ABCC1: variants seen among roughly 807,000 people sequenced by gnomAD.
ABCC1 encodes multidrug resistance-associated protein 1.
A neutral mutation model predicts 172.9 loss-of-function variants in ABCC1; 83 were observed. That is an observed-to-expected ratio of 0.48 (90% confidence interval 0.40 to 0.58). ABCC1 has a LOEUF of 0.58. Ranked by LOEUF, ABCC1 falls within the 20% of genes least tolerant of loss-of-function variation. The pLI is 0.00. For synonymous variants in ABCC1, 937 were observed against 825.2 expected (o/e 1.14, Z -2.32); for missense variants, 1,817 against 2,002.7 (o/e 0.91, Z 1.77).
intron 20 of ABCC1, among the ~76,000 whole-genome samples, chr16:16,103,901 G>C (rs2051912763): frequency 6.6e-6 from 1 of 152,198 alleles, no homozygotes; most frequent in African/African-American, 2.4e-5. Flanking sequence ...AGTTCTTAAA[G>C]GTGGCACGTC....
At chr16:16,094,721 T>C (rs1381169721) in intron 19 of ABCC1, among the ~76,000 whole-genome samples, 1 of 151,728 alleles carries the variant, frequency 6.6e-6, no homozygotes, top group African/African-American at 2.4e-5. Context: ...TTCACCGTGT[T>C]AGTCAGGATG....
At chr16:16,020,653 A>G (rs1255589013) in intron 5 of ABCC1, among the ~76,000 whole-genome samples, 1 of 152,182 alleles carries the variant, frequency 6.6e-6, no homozygotes, top group African/African-American at 2.4e-5. Flanking sequence ...CCCCTGGTCT[A>G]AGCATTTCTT....
At chr16:16,056,021 A>T in intron 11 of ABCC1, 71 bp from the exon 12 acceptor site, 1 of 1,318,942 alleles carries the variant, frequency 7.6e-7, no homozygotes, top group East Asian at 2.3e-5. Flanking sequence ...TGAGAAAAAT[A>T]GCTGGTGATG....
At chr16:16,080,002 G>A (rs572683032) in intron 16 of ABCC1, among the ~76,000 whole-genome samples, 4 of 151,914 alleles carry the variant, frequency 2.6e-5, no homozygotes, top group South Asian at 2.1e-4. Context: ...TAGTAGAGAC[G>A]GTGTTTTACC....
At chr16:16,111,732 C>T in intron 22 of ABCC1, 150 bp downstream of exon 22, 1 of 687,510 alleles carries the variant, frequency 1.5e-6, no homozygotes, top group Non-Finnish European at 2.4e-6. Context: ...CTAGTAGACA[C>T]TCAGATATTT....
intron 1 of ABCC1, among the ~76,000 whole-genome samples, chr16:15,970,030 C>T (rs561842584): frequency 2.6e-4 from 39 of 152,128 alleles, no homozygotes; most frequent in African/African-American, 6.7e-4. Context: ...AGTGCAATAG[C>T]GGGGTTTCAT....
intron 6 of ABCC1, among the ~76,000 whole-genome samples, chr16:16,034,326 C>T (rs2048667131): frequency 6.6e-6 from 1 of 152,148 alleles, no homozygotes; most frequent in Non-Finnish European, 1.5e-5. Flanking sequence ...CATGCCCGGT[C>T]TCATCCTTGT....
At chr16:15,978,431 G>A (rs1408584570) in intron 1 of ABCC1, among the ~76,000 whole-genome samples, 1 of 152,178 alleles carries the variant, frequency 6.6e-6, no homozygotes, top group African/African-American at 2.4e-5. Flanking sequence ...CTGTATGAAT[G>A]AGGAAAGTGA....
chr16:15,995,948 T>G (rs248417), intron 1 of ABCC1, among the ~76,000 whole-genome samples: 99,989 of 149,254 alleles, frequency 0.67, 34,770 homozygotes, highest in South Asian at 0.8. Flanking sequence ...GTGTTGGGAT[T>G]ACAGGTGTGT....
chr16:16,064,785 C>G (rs1245120303), intron 12 of ABCC1, among the ~76,000 whole-genome samples: 2 of 152,216 alleles, frequency 1.3e-5, no homozygotes, highest in Non-Finnish European at 2.9e-5. Flanking sequence ...GTCCTAGGCT[C>G]TGACAATACA....
At chr16:16,103,384 A>C (rs1038370468) in intron 20 of ABCC1, among the ~76,000 whole-genome samples, 3 of 152,038 alleles carry the variant, frequency 2.0e-5, no homozygotes, top group African/African-American at 7.2e-5. Flanking sequence ...GTTGAAGACC[A>C]GCCTGGCCAA....
rs45627035 is a variant in ABCC1 at position 16,133,693 on chromosome 16, C to T, written c.3967-657C>T. ...TGCTGGGACTACAGGCATGAGCCAC[C>T]GTGCCCCAGCCCTTGTTGAGTCTTT... On this transcript the variant is annotated intron_variant, in intron 27 of 30. Coordinates refer to ENST00000399410, the MANE Select transcript of ABCC1 (RefSeq NM_004996.4). Among the ~76,000 whole-genome samples, 919 of 152,276 alleles carry T rather than the reference C, an allele frequency of 6.0e-3. 8 individuals carry two copies. The highest frequency in any genetic ancestry group is 0.019 in the African/African-American group (775 of 41,558).
intron 1 of ABCC1, among the ~76,000 whole-genome samples, chr16:15,966,409 T>TA (rs34914361): frequency 0.69 from 95,285 of 138,886 alleles, 32,588 homozygotes; most frequent in African/African-American, 0.73. Flanking sequence ...GACTTTATCT[T>TA]AAAAAAAAAA....
At chr16:16,123,466 C>T (rs904334527) in intron 24 of ABCC1, among the ~76,000 whole-genome samples, 31 of 152,000 alleles carry the variant, frequency 2.0e-4, no homozygotes, top group African/African-American at 7.0e-4. Flanking sequence ...AAAATCCCAT[C>T]TATATTAAAA....
intron 27 of ABCC1, among the ~76,000 whole-genome samples, chr16:16,133,569 A>C (rs1321823934): frequency 6.6e-6 from 1 of 151,664 alleles, no homozygotes; most frequent in Non-Finnish European, 1.5e-5. Flanking sequence ...ACGCCCAGCT[A>C]ATTTTTGTAG....
At chr16:16,070,050 C>T (rs1006798125) in intron 13 of ABCC1, among the ~76,000 whole-genome samples, 1 of 151,450 alleles carries the variant, frequency 6.6e-6, no homozygotes, top group Non-Finnish European at 1.5e-5. Flanking sequence ...GGAAATAATA[C>T]AACATGAACC....
chr16:16,054,885 G>A (rs968878200), intron 11 of ABCC1, among the ~76,000 whole-genome samples: 1 of 152,194 alleles, frequency 6.6e-6, no homozygotes, highest in African/African-American at 2.4e-5. Context: ...CACTGCACAA[G>A]TATCCACTAT....
At chr16:16,121,919 G>A in intron 23 of ABCC1, 56 bp from the exon 24 acceptor site, 2 of 1,576,134 alleles carry the variant, frequency 1.3e-6, no homozygotes, top group Non-Finnish European at 1.7e-6. Context: ...GCCCTGCCCT[G>A]GGAGGATGGC....
At chr16:16,089,003 G>C (rs1294801948) in intron 18 of ABCC1, among the ~76,000 whole-genome samples, 1 of 152,144 alleles carries the variant, frequency 6.6e-6, no homozygotes, top group South Asian at 2.1e-4. Flanking sequence ...GCCACCGCAC[G>C]TGTCCTGTTC....
Sources: gnomAD v4.1 joint callset for allele counts (sites outside exome capture counted in the v4.1 genomes callset) on GRCh38, gnomAD v4.1.1 for gene constraint, MANE v1.5 for transcripts, NCBI Gene and HGNC (gene_info 2026-07-23, HGNC 2026-07-21) for gene names.